Variants in IPO11 observed in about 807,000 individuals in gnomAD.
The protein encoded by IPO11 is importin-11.
In IPO11, 66 loss-of-function variants were observed where a neutral mutation model predicts 143.2. That is an observed-to-expected ratio of 0.46 (90% CI 0.38 to 0.57). IPO11 has a LOEUF of 0.57. Ranked by LOEUF, IPO11 falls within the 20% of genes least tolerant of loss-of-function variation. The pLI is 0.00. For missense variants in IPO11, 1,026 were observed against 1,141.0 expected, an observed-to-expected ratio of 0.90 and a Z score of 1.45; for synonymous variants, 385 against 377.8, an observed-to-expected ratio of 1.02 and a Z score of -0.22.
intron 27 of IPO11, chr5:62,578,660 G>A (rs1308574344): frequency 2.1e-6 from 1 of 466,182 alleles, no homozygotes; most frequent in East Asian, 7.0e-5. Flanking sequence ...TTTCCGTTCA[G>A]CAATACTTTT....
intron 1 of IPO11, 41 bp from the exon 2 acceptor site, chr5:62,437,233 C>T (rs754652601): frequency 1.3e-6 from 2 of 1,490,628 alleles, no homozygotes; most frequent in Non-Finnish European, 9.1e-7. Flanking sequence ...TTTTTTATTA[C>T]TTGTAATACA....
At chr5:62,479,790 A>AT (rs1297295895) in intron 9 of IPO11, among the ~76,000 whole-genome samples, 1 of 151,598 alleles carries the variant, frequency 6.6e-6, no homozygotes, top group Non-Finnish European at 1.5e-5. Context: ...GGGTTGTTTG[A>AT]TTTTTTCTTG....
chr5:62,478,568 T>C (rs1179429372), intron 9 of IPO11, among the ~76,000 whole-genome samples: 2 of 152,250 alleles, frequency 1.3e-5, no homozygotes, highest in Non-Finnish European at 2.9e-5. Flanking sequence ...TTTAGATTTC[T>C]CTGATTGTGT....
intron 9 of IPO11, among the ~76,000 whole-genome samples, chr5:62,482,225 T>C (rs1746239578): frequency 6.6e-6 from 1 of 152,188 alleles, no homozygotes; most frequent in South Asian, 2.1e-4. Flanking sequence ...GTTGATCTTT[T>C]CAAAAAACCA....
intron 3 of IPO11, among the ~76,000 whole-genome samples, chr5:62,448,456 C>T (rs182442998): frequency 6.6e-6 from 1 of 152,344 alleles, no homozygotes; most frequent in East Asian, 1.9e-4. Context: ...CTCAGTTTTA[C>T]TCTAAAATGT....
At chr5:62,517,962 A>C (rs1390296277) in intron 20 of IPO11, among the ~76,000 whole-genome samples, 1 of 152,062 alleles carries the variant, frequency 6.6e-6, no homozygotes, top group Non-Finnish European at 1.5e-5. Flanking sequence ...CAAAATTGAG[A>C]CTGTAGCTTA....
chr5:62,462,079 A>G (rs1390316988), intron 5 of IPO11, among the ~76,000 whole-genome samples: 1 of 152,208 alleles, frequency 6.6e-6, no homozygotes, highest in African/African-American at 2.4e-5. Context: ...TAACTTTGCC[A>G]TTAATATCTA....
At chr5:62,485,572 G>C (rs1746368332) in intron 12 of IPO11, 110 bp downstream of exon 12, 1 of 890,050 alleles carries the variant, frequency 1.1e-6, no homozygotes. Flanking sequence ...GGGCATGGTG[G>C]CTCACACTTT....
chr5:62,470,071 A>G (rs1455415729), intron 6 of IPO11, among the ~76,000 whole-genome samples, 179 bp from the exon 7 acceptor site: 1 of 152,216 alleles, frequency 6.6e-6, no homozygotes, highest in Admixed American at 6.5e-5. Context: ...GTGAGTTAGA[A>G]GAACTAGACT....
intron 1 of IPO11, among the ~76,000 whole-genome samples, chr5:62,425,154 A>G (rs568871914): frequency 1.3e-5 from 2 of 152,204 alleles, no homozygotes; most frequent in Non-Finnish European, 2.9e-5. Context: ...ATCCTCCTAA[A>G]CCCTGTAATC....
intron 28 of IPO11, among the ~76,000 whole-genome samples, chr5:62,600,169 A>G (rs987152436): frequency 2.0e-5 from 3 of 152,154 alleles, no homozygotes; most frequent in African/African-American, 7.2e-5. Context: ...CCTGCCAAGT[A>G]GCTGAGATTA....
intron 26 of IPO11, 175 bp from the exon 27 acceptor site, chr5:62,560,961 T>C (rs1743749675): frequency 2.2e-6 from 1 of 457,872 alleles, no homozygotes; most frequent in South Asian, 4.3e-5. Flanking sequence ...TTTCTGGTTT[T>C]GCTCAAATTA....
Position 62,485,405 on chromosome 5 carries a change from A to T in IPO11, c.1175-14A>T. ...GATGTTGAAAATGTCATTATTACATATTTTTAATTGCAGCAGTGGAAGAAA... is the reference window on the plus strand; with the variant it reads ...GATGTTGAAAATGTCATTATTACATTTTTTTAATTGCAGCAGTGGAAGAAA... On this transcript the variant is annotated splice_polypyrimidine_tract_variant and intron_variant, in intron 11 of 29. Transcript: ENST00000325324. 6.3e-7 allele frequency: 1 copy of T among 1,598,524 alleles called. No individual in the cohort carries two copies. The highest frequency in any genetic ancestry group is 8.6e-7 in the Non-Finnish European group (1 of 1,166,302).
chr5:62,600,090 G>T (rs1025028068), intron 28 of IPO11, among the ~76,000 whole-genome samples: 2 of 152,176 alleles, frequency 1.3e-5, no homozygotes, highest in African/African-American at 4.8e-5. Context: ...CCAGTCTGGA[G>T]TGCAGTGGCA....
chr5:62,616,051 AG>A (rs1188760750), intron 29 of IPO11, among the ~76,000 whole-genome samples: 3 of 2,438 alleles, frequency 1.2e-3, no homozygotes, highest in East Asian at 0.01. Context: ...GATGGGGTGG[AG>A]GGGGAGGTGG....
chr5:62,543,810 CCTGTGGGCA>C (rs1261264648), intron 24 of IPO11, among the ~76,000 whole-genome samples: 1 of 151,972 alleles, frequency 6.6e-6, no homozygotes, highest in Non-Finnish European at 1.5e-5. Context: ...CCTGCTTTCT[CCTGTGGGCA>C]TTTAGTGCTA....
At chr5:62,472,098 A>G (rs1018162579) in intron 7 of IPO11, among the ~76,000 whole-genome samples, 4 of 152,202 alleles carry the variant, frequency 2.6e-5, no homozygotes, top group African/African-American at 9.6e-5. Context: ...GAATGTATAA[A>G]TTCCATGAAG....
At chr5:62,591,950 A>G (rs1186783655) in intron 28 of IPO11, among the ~76,000 whole-genome samples, 2 of 152,146 alleles carry the variant, frequency 1.3e-5, no homozygotes, top group African/African-American at 4.8e-5. Flanking sequence ...CCCAGGTTCA[A>G]GTGATTCTCT....
Position 62,555,126 on chromosome 5 carries a change from T to C in IPO11, c.2460+3790T>C, listed in dbSNP as rs184169934. 1.6e-4 allele frequency among the ~76,000 whole-genome samples: 24 copies of C among 152,298 alleles called. 1 individual carries two copies. The East Asian group carries it at 3.7e-3, about 23-fold the overall frequency. ...TTATGGTCCCATACAAATTTTTTTT[T>C]CTATCTCTTTGAAGGATGTAATTGG... On this transcript the variant is annotated intron_variant, in intron 26 of 29. Transcript: ENST00000325324.
Sources: allele counts gnomAD v4.1 joint callset (sites outside exome capture counted in the v4.1 genomes callset), GRCh38; gene constraint gnomAD v4.1.1; transcripts MANE v1.5; gene names NCBI Gene and HGNC (gene_info 2026-07-23, HGNC 2026-07-21).